The following INSR variants were observed in gnomAD, a reference collection of about 807,000 sequenced individuals.
INSR encodes the protein insulin receptor, also known as IR.
Under a neutral mutation model 142.6 loss-of-function variants are expected in INSR, and 67 were observed. The ratio of observed to expected loss-of-function variants is 0.47; its 90% CI spans 0.39 to 0.58. INSR has a LOEUF of 0.58. Ranked by LOEUF, INSR falls within the 20% of genes least tolerant of loss-of-function variation. The pLI is 0.00. For synonymous variants in INSR, 756 were observed against 743.1 expected (o/e 1.02, Z -0.28); for missense variants, 1,248 against 1,833.2 (o/e 0.68, Z 5.83).
intron 20 of INSR, 90 bp downstream of exon 20, chr19:7,120,530 G>T: frequency 2.6e-6 from 4 of 1,514,198 alleles, no homozygotes; most frequent in Non-Finnish European, 3.7e-6. Flanking sequence ...GCGTCCAGGA[G>T]GATGGCAGGC....
intron 9 of INSR, among the ~76,000 whole-genome samples, chr19:7,153,348 A>ACACCACACACGCCACACAACG (rs1973482383): frequency 1.7e-4 from 1 of 5,816 alleles, no homozygotes. Context: ...CACACACCAC[A>ACACCACACACGCCACACAACG]GACCACACAC....
chr19:7,247,172 A>T (rs892109274), intron 2 of INSR, among the ~76,000 whole-genome samples: 4 of 152,184 alleles, frequency 2.6e-5, no homozygotes, highest in African/African-American at 9.7e-5. Flanking sequence ...GTTGACTGAG[A>T]CACTCAGTGC....
intron 2 of INSR, among the ~76,000 whole-genome samples, chr19:7,237,882 C>T (rs1364700997): frequency 6.6e-6 from 1 of 151,352 alleles, no homozygotes; most frequent in Non-Finnish European, 1.5e-5. Flanking sequence ...TTAAAAAATA[C>T]CCAGTCTCAG....
chr19:7,209,903 A>T (rs191505862), intron 2 of INSR, among the ~76,000 whole-genome samples: 1 of 152,276 alleles, frequency 6.6e-6, no homozygotes, highest in Admixed American at 6.5e-5. Context: ...CAGAACAAAA[A>T]CGCTGTGAAA....
In INSR at chr19:7,119,589, G is replaced by A. The variant is rs745624546; in HGVS notation, c.3660-6C>T. 1.7e-5 allele frequency: 28 copies of A among 1,613,708 alleles called. No individual in the cohort carries two copies. The highest frequency in any genetic ancestry group is 8.3e-5 in the Admixed American group (5 of 59,958). Reference sequence around the variant, plus strand: ...AAAGGACCACGCCAAAGGACCTGCCGATGACAGTTGATAGTAGTAACAAAG... The same window carrying A: ...AAAGGACCACGCCAAAGGACCTGCCAATGACAGTTGATAGTAGTAACAAAG... On this transcript the variant is annotated splice_region_variant and splice_polypyrimidine_tract_variant and intron_variant, in intron 20 of 21. Transcript: ENST00000302850. The surrounding 1 kb of genome is among the most constrained non-coding windows in gnomAD (Gnocchi z 5.2).
At chr19:7,241,380 C>G (rs1337243681) in intron 2 of INSR, among the ~76,000 whole-genome samples, 1 of 151,972 alleles carries the variant, frequency 6.6e-6, no homozygotes, top group African/African-American at 2.4e-5. Context: ...TGGGGTCTTG[C>G]TATATTGCCC....
intron 8 of INSR, among the ~76,000 whole-genome samples, chr19:7,163,575 A>AAAACG (rs572924674): frequency 1.1e-3 from 164 of 150,164 alleles, no homozygotes; most frequent in African/African-American, 3.9e-3. Context: ...AAAACAAAAC[A>AAAACG]AAAAAGAAAA....
chr19:7,243,255 T>G (rs187266545), intron 2 of INSR, among the ~76,000 whole-genome samples: 9,944 of 136,246 alleles, frequency 0.073, 548 homozygotes, highest in Non-Finnish European at 0.099. Context: ...TTTTTTTTTT[T>G]TTTTTTTTGA....
intron 2 of INSR, among the ~76,000 whole-genome samples, chr19:7,208,051 C>T (rs561103896): frequency 6.6e-6 from 1 of 152,074 alleles, no homozygotes; most frequent in Non-Finnish European, 1.5e-5. Flanking sequence ...CTCTTCCAGC[C>T]CTTGTACCCC....
chr19:7,240,360 A>T (rs1170795869), intron 2 of INSR, among the ~76,000 whole-genome samples: 1 of 151,872 alleles, frequency 6.6e-6, no homozygotes, highest in Non-Finnish European at 1.5e-5. Flanking sequence ...AGGCAGGTGG[A>T]TTACCTGAAG....
intron 3 of INSR, among the ~76,000 whole-genome samples, chr19:7,183,239 T>C (rs1279389841): frequency 4.0e-5 from 6 of 151,076 alleles, no homozygotes; most frequent in African/African-American, 1.5e-4. Flanking sequence ...TGTCTGTTTC[T>C]GATTTGTTTT....
intron 2 of INSR, among the ~76,000 whole-genome samples, chr19:7,250,762 C>T (rs1976704111): frequency 1.3e-5 from 2 of 152,080 alleles, no homozygotes; most frequent in Admixed American, 1.3e-4. Context: ...AGCATGGTCG[C>T]CTTTGAAAAC....
At chr19:7,118,985 T>A (rs941241739) in intron 21 of INSR, among the ~76,000 whole-genome samples, 1 of 150,906 alleles carries the variant, frequency 6.6e-6, no homozygotes, top group African/African-American at 2.4e-5. Flanking sequence ...GGTCTCCAGT[T>A]CCCTTCTCCC....
At position 7,166,467 on chromosome 19, in the gene INSR, A is replaced by T; in HGVS notation, c.1611-63T>A. 2 of 1,583,128 alleles carry T rather than the reference A, an allele frequency of 1.3e-6. No individual in the cohort carries two copies. Among genetic ancestry groups the T allele is most frequent in the Non-Finnish European group, 1.7e-6 (2 of 1,161,926 alleles). On this transcript the variant is annotated intron_variant, in intron 7 of 21. Transcript: ENST00000302850. This position sits in a 1 kb window ranked among gnomAD's most constrained non-coding sequence, Gnocchi z 4.1. ...AAGACCGTCACACTGAGTGCCGTGC[A>T]GATGAGGCCTGGGAAGTTACATCCC...
At position 7,143,026 on chromosome 19, in the gene INSR, C is replaced by A; in HGVS notation, c.2332G>T (p.Ala778Ser). 1 of 1,614,162 alleles carries A rather than the reference C, an allele frequency of 6.2e-7. No homozygotes were observed. Among genetic ancestry groups the A allele is most frequent in the Non-Finnish European group, 8.5e-7 (1 of 1,180,014 alleles). ...GTCGAGGAAGTGTTGGGGAAAGCTG[C>A]CACCGTGGGCACGGCCACCGTCACA... is the stretch of plus-strand genomic sequence containing the variant. ...GNVTVAVPTV[A>S]AFPNTSSTSV... Residue 778 changes from alanine to serine, a missense_variant, in exon 12 of 22, where the codon GCA (alanine) becomes TCA (serine). Coordinates refer to ENST00000302850, the MANE Select transcript of INSR (RefSeq NM_000208.4).
chr19:7,117,076 G>A lies in INSR; in HGVS notation c.4129C>T (p.Pro1377Ser), dbSNP rs1289891223. ...GKKNGRILTL[P>S]RSNPS ...CACTGTTAGGAAGGATTGGACCGAG[G>A]CAAGGTCAGAATCCGCCCGTTTTTC... The change falls in exon 22 of 22, where the codon CCT becomes TCT. Residue 1377 changes from proline to serine, a missense_variant. Coordinates refer to ENST00000302850, the MANE Select transcript of INSR (RefSeq NM_000208.4). 3.1e-6 allele frequency: 5 copies of A among 1,614,122 alleles called. No homozygotes were observed. Among genetic ancestry groups the A allele is most frequent in the Admixed American group, 1.7e-5 (1 of 60,014 alleles).
chr19:7,144,269 C>G (rs1382237811), intron 11 of INSR, among the ~76,000 whole-genome samples: 1 of 151,992 alleles, frequency 6.6e-6, no homozygotes, highest in Non-Finnish European at 1.5e-5. Context: ...GGGACTTTTC[C>G]TTTTTAATAT....
At chr19:7,139,823 T>TTC (rs1412460643) in intron 13 of INSR, among the ~76,000 whole-genome samples, 2 of 138,610 alleles carry the variant, frequency 1.4e-5, no homozygotes, top group African/African-American at 2.8e-5. Flanking sequence ...TGCGTATTCT[T>TTC]TTTTTTTTTT....
At position 7,166,566 on chromosome 19, in the gene INSR, G is replaced by A. The variant is rs1368757861; in HGVS notation, c.1611-162C>T. Among the ~76,000 whole-genome samples, 1 of 152,180 alleles carries A rather than the reference G, an allele frequency of 6.6e-6. No individual in the cohort carries two copies. The highest frequency in any genetic ancestry group is 6.6e-5 in the Admixed American group (1 of 15,266). On this transcript the variant is annotated intron_variant, in intron 7 of 21. Coordinates refer to ENST00000302850, the MANE Select transcript of INSR (RefSeq NM_000208.4). The surrounding 1 kb of genome is among the most constrained non-coding windows in gnomAD (Gnocchi z 4.1). ...TAACTCGGGAACAGCCAAAGAGAAA[G>A]GAACTGTCAACCCTGACATCTCAAT...
Sources: gnomAD v4.1 joint callset for allele counts (sites outside exome capture counted in the v4.1 genomes callset) on GRCh38, gnomAD v4.1.1 for gene constraint, Gnocchi (gnomAD v3.1) non-coding constraint, MANE v1.5 for transcripts, NCBI Gene and HGNC (gene_info 2026-07-23, HGNC 2026-07-21) for gene names.